Variants in PIGB observed in about 807,000 individuals in gnomAD.
PIGB encodes the protein GPI alpha-1,2-mannosyltransferase 3.
Under a neutral mutation model 68.4 loss-of-function variants are expected in PIGB, and 58 were observed. The ratio of observed to expected loss-of-function variants is 0.85; its 90% CI spans 0.69 to 1.06. The LOEUF (loss-of-function observed/expected upper bound fraction) is 1.06. PIGB is among the 50% of genes least tolerant of loss of function. The pLI is 0.00. For missense variants in PIGB, 634 were observed against 655.8 expected, an observed-to-expected ratio of 0.97 and a Z score of 0.36; for synonymous variants, 219 against 220.5, an observed-to-expected ratio of 0.99 and a Z score of 0.06.
At chr15:55,330,091 A>G (rs1407400382) in intron 5 of PIGB, among the ~76,000 whole-genome samples, 2 of 152,178 alleles carry the variant, frequency 1.3e-5, no homozygotes, top group Admixed American at 1.3e-4. Context: ...GCCAATAAGG[A>G]AACACCATAG....
intron 9 of PIGB, among the ~76,000 whole-genome samples, chr15:55,348,661 C>T (rs2055857790): frequency 6.6e-6 from 1 of 152,290 alleles, no homozygotes; most frequent in East Asian, 1.9e-4. Context: ...AACTGACTCC[C>T]CTTCACCTTC....
chr15:55,336,046 GAT>G (rs2055527722), intron 6 of PIGB, among the ~76,000 whole-genome samples: 1 of 152,134 alleles, frequency 6.6e-6, no homozygotes, highest in Admixed American at 6.5e-5. Context: ...GGGGGAAAAA[GAT>G]ATAACAATAC....
At chr15:55,321,590 A>T (rs550543639) in intron 3 of PIGB, among the ~76,000 whole-genome samples, 200 bp downstream of exon 3, 2 of 151,546 alleles carry the variant, frequency 1.3e-5, no homozygotes, top group South Asian at 4.2e-4. Context: ...TATGATGTGC[A>T]GATTTTCAAA....
At chr15:55,320,053 A>T (rs1035712800) in intron 1 of PIGB, 1 of 384,628 alleles carries the variant, frequency 2.6e-6, no homozygotes, top group East Asian at 4.0e-5. Context: ...TTTACACAAT[A>T]AGTTGCAAGA....
chr15:55,340,638 G>T lies in PIGB; in HGVS notation c.873G>T (p.Leu291Phe). The change falls in exon 8 of 12, where the codon TTG becomes TTT. Residue 291 changes from leucine (L) to phenylalanine (F), a missense_variant. Coordinates refer to ENST00000164305, the MANE Select transcript of PIGB (RefSeq NM_004855.5). ...GQWTLVQFNF[L>F]KFNVLQNWGT... The stretch of plus-strand genomic sequence containing the variant: ...GGACTCTGGTTCAATTTAATTTTTT[G>T]AAATTTAACGTGCTGCAGAACTGGG... The T allele has an allele frequency of 1.2e-6, 2 of 1,611,338 alleles. No homozygotes were observed. The highest frequency in any genetic ancestry group is 1.7e-6 in the Non-Finnish European group (2 of 1,178,714).
At chr15:55,320,011 T>C in intron 1 of PIGB, 1 of 293,334 alleles carries the variant, frequency 3.4e-6, no homozygotes, top group South Asian at 7.9e-5. Flanking sequence ...GTTAACCCAC[T>C]CTTTTTTTTT....
intron 3 of PIGB, among the ~76,000 whole-genome samples, chr15:55,322,938 CAGA>C (rs2055200031): frequency 6.6e-6 from 1 of 152,120 alleles, no homozygotes; most frequent in Non-Finnish European, 1.5e-5. Flanking sequence ...GGAAGTAGGT[CAGA>C]TTACAAATGA....
chr15:55,354,659 G>A (rs2056030079), intron 10 of PIGB, 139 bp from the exon 11 acceptor site: 1 of 640,064 alleles, frequency 1.6e-6, no homozygotes, highest in Non-Finnish European at 2.6e-6. Flanking sequence ...ATGAGTTAAA[G>A]GCTTGCTTCT....
At chr15:55,319,463 A>G (rs1595762766) in intron 1 of PIGB, 50 bp downstream of exon 1, 2 of 1,403,688 alleles carry the variant, frequency 1.4e-6, no homozygotes, top group South Asian at 1.4e-5. Flanking sequence ...TCTAAAAGGA[A>G]CCCCCTCCAT....
intron 5 of PIGB, among the ~76,000 whole-genome samples, chr15:55,331,185 A>G (rs1035502104): frequency 6.6e-6 from 1 of 152,122 alleles, no homozygotes; most frequent in Non-Finnish European, 1.5e-5. Context: ...TCAGCTTGAG[A>G]GAATCGAATT....
rs1309880006 is a variant in PIGB, at chr15:55,355,477, G to T, written c.*45G>T. 14 of 1,514,590 alleles carry T rather than the reference G, an allele frequency of 9.2e-6. No homozygotes were observed. Among genetic ancestry groups the T allele is most frequent in the Non-Finnish European group, 1.2e-5 (13 of 1,103,336 alleles). The allele number at this position is 1,514,590 out of a possible 1,614,324, so 93.8% of individuals were successfully genotyped here. On this transcript the variant is annotated 3_prime_UTR_variant, in exon 12 of 12. Coordinates refer to ENST00000164305, the MANE Select transcript of PIGB (RefSeq NM_004855.5). ...CATTGCTGGGTGGAAATATTCAGAT[G>T]CTGCTTAAATACTTCGGTAAACACT...
chr15:55,342,194 AT>A (rs1364919043), intron 9 of PIGB, among the ~76,000 whole-genome samples: 2 of 152,116 alleles, frequency 1.3e-5, no homozygotes, highest in African/African-American at 4.8e-5. Context: ...TGGTGTTTCT[AT>A]TTGGTGGTGG....
intron 10 of PIGB, chr15:55,351,747 C>T (rs1209414748): frequency 6.6e-6 from 1 of 150,982 alleles, no homozygotes; most frequent in East Asian, 2.1e-4. Flanking sequence ...TGGCAGGTGC[C>T]TGTAGTTCCA....
rs117705041 is a variant in PIGB, at chr15:55,352,785, A to G, written c.1337+1873A>G. On this transcript the variant is annotated intron_variant, in intron 10 of 11. Coordinates refer to ENST00000164305, the MANE Select transcript of PIGB (RefSeq NM_004855.5). ...ATAAATAAATAAATACATAAAATCT[A>G]TAACTATTTAACTCAGTCTGGCTTT... Among the ~76,000 whole-genome samples, 13 of 152,292 alleles carry G rather than the reference A, an allele frequency of 8.5e-5. No homozygotes were observed. The East Asian group carries it at 2.1e-3, about 25-fold the overall frequency.
chr15:55,320,386 A>G lies in PIGB; in HGVS notation c.275A>G (p.Glu92Gly), dbSNP rs2055135498. The G allele has an allele frequency of 6.2e-7, 1 of 1,613,496 alleles. No individual in the cohort carries two copies. Among genetic ancestry groups the G allele is most frequent in the Admixed American group, 1.7e-5 (1 of 59,984 alleles). The change falls in exon 2 of 12, where the codon GAA becomes GGA. Residue 92 changes from glutamate to glycine, a missense_variant. By Grantham distance (98) the Glu-to-Gly change is moderately conservative. Coordinates refer to ENST00000164305, the MANE Select transcript of PIGB (RefSeq NM_004855.5). ...CCAGATGAATACTGGCAGTCTCTTG[A>G]AGTTTCACATCACATGGTTTTCAAA... ...FVPDEYWQSL[E>G]VSHHMVFNYG... is the part of the protein sequence containing the mutation.
chr15:55,341,104 G>C (rs548032455), intron 8 of PIGB, among the ~76,000 whole-genome samples: 1 of 151,586 alleles, frequency 6.6e-6, no homozygotes, highest in Admixed American at 6.6e-5. Flanking sequence ...GCTCATGCCT[G>C]TAATTTCAAT....
At chr15:55,342,591 C>T (rs146211376) in intron 9 of PIGB, among the ~76,000 whole-genome samples, 3,302 of 152,270 alleles carry the variant, frequency 0.022, 47 homozygotes, top group Non-Finnish European at 0.034. Flanking sequence ...AGGGTTTCAC[C>T]GTGTTGGCCA....
At position 55,319,346 on chromosome 15, in the gene PIGB, A is replaced by G. The variant is rs772842073; in HGVS notation, c.96A>G (p.Ile32Met). 5.7e-5 allele frequency: 90 copies of G among 1,569,588 alleles called. No homozygotes were observed. Among genetic ancestry groups the G allele is most frequent in the Non-Finnish European group, 7.5e-5 (87 of 1,156,684 alleles). ...TCCAGAACCGCTCCCACGGCAAGAT[A>G]AAGCTGCGAAAGAGAAAGTCTACCT... ...HGLQNRSHGK[I>M]KLRKRKSTLY... is the part of the protein sequence containing the mutation. Residue 32 changes from isoleucine to methionine, a missense_variant, in exon 1 of 12, where the codon ATA (isoleucine) becomes ATG (methionine). Physicochemically the swap from Ile to Met is conservative, Grantham distance 10 (BLOSUM62 1). Coordinates refer to ENST00000164305, the MANE Select transcript of PIGB (RefSeq NM_004855.5).
chr15:55,320,542 T>A (rs1312927400), intron 2 of PIGB, 132 bp downstream of exon 2: 3 of 702,028 alleles, frequency 4.3e-6, no homozygotes, highest in Non-Finnish European at 2.4e-6. Flanking sequence ...TAGTGGATGC[T>A]TGAAACTGTA....
Sources: gnomAD v4.1 joint callset for allele counts (sites outside exome capture counted in the v4.1 genomes callset) on GRCh38, gnomAD v4.1.1 for gene constraint, MANE v1.5 for transcripts, NCBI Gene and HGNC (gene_info 2026-07-23, HGNC 2026-07-21) for gene names.